The following TPO variants were observed in gnomAD, a reference collection of about 807,000 sequenced individuals.
TPO encodes thyroid microsomal antigen.
Under a neutral mutation model 96.9 loss-of-function variants are expected in TPO, and 78 were observed. The ratio of observed to expected loss-of-function variants is 0.81; its 90% confidence interval spans 0.67 to 0.97. The LOEUF is 0.97. Among genes scored for constraint, TPO ranks in the 50% least tolerant of loss-of-function variants. The probability of loss-of-function intolerance (pLI) is 0.00; values close to 1 mark genes in which losing one functional copy is unlikely to be tolerated. For synonymous variants in TPO, 547 were observed against 538.0 expected (o/e 1.02, Z -0.23); for missense variants, 1,252 against 1,274.8 (o/e 0.98, Z 0.27).
intron 1 of TPO, among the ~76,000 whole-genome samples, chr2:1,394,907 A>C (rs1452867199): frequency 6.6e-6 from 1 of 152,052 alleles, no homozygotes; most frequent in African/African-American, 2.4e-5. Context: ...CCCCCACGTG[A>C]TTCCAGGCTC....
At chr2:1,492,054 GAC>G (rs1671819975) in intron 10 of TPO, among the ~76,000 whole-genome samples, 2 of 152,226 alleles carry the variant, frequency 1.3e-5, no homozygotes, top group African/African-American at 2.4e-5. Context: ...ACAAGAGTCA[GAC>G]ACACACTTGT....
In TPO at chr2:1,484,839, A is replaced by G; in HGVS notation, c.1582A>G (p.Thr528Ala). Residue 528 changes from threonine to alanine, a missense_variant, in exon 9 of 17, where the codon ACA (threonine) becomes GCA (alanine). By Grantham distance (58) the Thr-to-Ala change is moderately conservative (BLOSUM62 0). Coordinates refer to ENST00000329066, the MANE Select transcript of TPO (RefSeq NM_001206744.2). ...GCACCAGGCTTTCTTCAGCCCATGG[A>G]CATTACTCCGTGGAGGTGAGTGAGT... The part of the protein sequence containing the change: ...WLHQAFFSPW[T>A]LLRGGGLDPL... 1 of 1,613,898 alleles carries G rather than the reference A, an allele frequency of 6.2e-7. No individual in the cohort carries two copies. The highest frequency in any genetic ancestry group is 8.5e-7 in the Non-Finnish European group (1 of 1,180,040).
intron 7 of TPO, among the ~76,000 whole-genome samples, chr2:1,472,847 A>G (rs1433964833): frequency 1.2e-4 from 18 of 151,196 alleles, no homozygotes; most frequent in Non-Finnish European, 2.1e-4. Flanking sequence ...AAAAAAAAAA[A>G]AAAAGGAGAG....
At chr2:1,532,301 C>T (rs1678480419) in intron 15 of TPO, among the ~76,000 whole-genome samples, 1 of 62,100 alleles carries the variant, frequency 1.6e-5, no homozygotes, top group Non-Finnish European at 3.2e-5. Context: ...GTGTGCAACC[C>T]CCACAAAACT....
At chr2:1,478,916 G>A (rs1670268081) in intron 8 of TPO, among the ~76,000 whole-genome samples, 1 of 152,300 alleles carries the variant, frequency 6.6e-6, no homozygotes, top group East Asian at 1.9e-4. Context: ...CACGGCAGAC[G>A]AGTTCACTGT....
At chr2:1,443,742 GAGGCACCA>G (rs1222274460) in intron 5 of TPO, among the ~76,000 whole-genome samples, 17 of 107,242 alleles carry the variant, frequency 1.6e-4, no homozygotes, top group African/African-American at 6.2e-4. Flanking sequence ...ATTGCTGCGG[GAGGCACCA>G]TGTTGGAAGG....
At chr2:1,377,896 C>T (rs189326270) in intron 1 of TPO, among the ~76,000 whole-genome samples, 55 of 152,292 alleles carry the variant, frequency 3.6e-4, no homozygotes, top group Admixed American at 3.3e-3. Flanking sequence ...TGTGTCCCCA[C>T]CCAAATCTCA....
chr2:1,418,037 C>CT (rs1277718600), intron 2 of TPO, among the ~76,000 whole-genome samples: 1 of 152,220 alleles, frequency 6.6e-6, no homozygotes, highest in East Asian at 1.9e-4. Context: ...AATCCCAACA[C>CT]TTTGGGAGGC....
intron 9 of TPO, among the ~76,000 whole-genome samples, chr2:1,485,096 G>T (rs1227287189): frequency 2.3e-5 from 3 of 129,386 alleles, no homozygotes; most frequent in East Asian, 2.4e-4. Flanking sequence ...GATGATCCCC[G>T]CCCTGTGTCC....
intron 14 of TPO, among the ~76,000 whole-genome samples, chr2:1,506,025 A>G (rs1673419826): frequency 6.6e-6 from 1 of 150,702 alleles, no homozygotes; most frequent in African/African-American, 2.4e-5. Context: ...TCCTAATGCT[A>G]TCCTTCCCCC....
At chr2:1,480,869 G>T (rs1670576193) in intron 8 of TPO, among the ~76,000 whole-genome samples, 1 of 148,586 alleles carries the variant, frequency 6.7e-6, no homozygotes, top group Non-Finnish European at 1.5e-5. Context: ...TAATTTGTCA[G>T]GGCCCAACCA....
rs557448072 is a variant in TPO, at chr2:1,456,280, C to T, written c.817C>T (p.Gln273Ter). ...GAACCAAAACCCATGTTTTCCCATACAAGTAAGTTTTAGAAAACGTTTCTA... is the reference window on the plus strand; with the variant it reads ...GAACCAAAACCCATGTTTTCCCATATAAGTAAGTTTTAGAAAACGTTTCTA... ...CENQNPCFPI[Q>*]LPEEARPAAG... The change falls in exon 7 of 17, where the codon CAA (glutamine) becomes TAA (stop). Residue 273 changes from glutamine (Q) to a stop codon, truncating the protein, a stop_gained and splice_region_variant. Transcript: ENST00000329066. LOFTEE classifies it high-confidence loss of function. 6.2e-7 allele frequency: 1 copy of T among 1,614,018 alleles called. No individual in the cohort carries two copies. The highest frequency in any genetic ancestry group is 1.3e-5 in the African/African-American group (1 of 75,054).
chr2:1,472,959 C>T (rs756718481), intron 7 of TPO, among the ~76,000 whole-genome samples: 13 of 151,198 alleles, frequency 8.6e-5, no homozygotes, highest in Admixed American at 2.0e-4. Flanking sequence ...ATTTGTTCAA[C>T]GAATGATCTG....
At chr2:1,392,985 CA>C (rs966198787) in intron 1 of TPO, among the ~76,000 whole-genome samples, 1 of 152,070 alleles carries the variant, frequency 6.6e-6, no homozygotes, top group Non-Finnish European at 1.5e-5. Flanking sequence ...TCTTTGTCAT[CA>C]CTGGCTTTAC....
intron 13 of TPO, among the ~76,000 whole-genome samples, chr2:1,498,617 G>A (rs1672584198): frequency 6.6e-6 from 1 of 152,206 alleles, no homozygotes; most frequent in African/African-American, 2.4e-5. Context: ...GAATGACAGT[G>A]TACAAGGAGA....
intron 15 of TPO, among the ~76,000 whole-genome samples, chr2:1,520,119 AG>A (rs28913039): frequency 0.096 from 14,646 of 152,124 alleles, 1,812 homozygotes; most frequent in African/African-American, 0.28. Context: ...CTGGGGCTCC[AG>A]GGCAGAAACA....
Position 1,400,942 on chromosome 2 carries a change from A to T in TPO, n.180+26540A>T, listed in dbSNP as rs78418559. Reference sequence around the variant, plus strand: ...AAATCCAGCAATACAAGTAAAAAGGACATTCCTTTTCCAAGCCTTCCTCGT... The same window carrying T: ...AAATCCAGCAATACAAGTAAAAAGGTCATTCCTTTTCCAAGCCTTCCTCGT... On this transcript the variant is annotated intron_variant and non_coding_transcript_variant, in intron 1 of 5. Coordinates refer to the TPO transcript ENST00000497517. Among the ~76,000 whole-genome samples the T allele has an allele frequency of 6.5e-3, 987 of 152,342 alleles. 12 individuals are homozygous for T. The highest frequency in any genetic ancestry group is 0.023 in the African/African-American group (941 of 41,576).
At chr2:1,517,497 G>T (rs1483787889) in intron 15 of TPO, among the ~76,000 whole-genome samples, 1 of 152,062 alleles carries the variant, frequency 6.6e-6, no homozygotes, top group Non-Finnish European at 1.5e-5. Context: ...GCCCCTCGAG[G>T]CTTCCTCAGG....
At chr2:1,453,468 C>G (rs1467588055) in intron 5 of TPO, among the ~76,000 whole-genome samples, 1 of 152,040 alleles carries the variant, frequency 6.6e-6, no homozygotes, top group Non-Finnish European at 1.5e-5. Flanking sequence ...GTGCTGAGCT[C>G]GGGAGAGGGT....
Sources: allele counts gnomAD v4.1 joint callset (sites outside exome capture counted in the v4.1 genomes callset), GRCh38; gene constraint gnomAD v4.1.1; transcripts MANE v1.5; gene names NCBI Gene and HGNC (gene_info 2026-07-23, HGNC 2026-07-21).